Variants in CACNA2D3 observed in about 807,000 individuals in gnomAD.
CACNA2D3 encodes the protein voltage-dependent calcium channel subunit alpha-2/delta-3.
In CACNA2D3, 60 loss-of-function variants were observed where a neutral mutation model predicts 160.6. The ratio of observed to expected loss-of-function variants is 0.37; its 90% CI spans 0.30 to 0.46. The LOEUF (loss-of-function observed/expected upper bound fraction) is 0.46. Among genes scored for constraint, CACNA2D3 ranks in the 20% least tolerant of loss-of-function variants. The probability of loss-of-function intolerance (pLI) is 1.00; values close to 1 mark genes in which losing one functional copy is unlikely to be tolerated. For missense variants in CACNA2D3, 1,205 were observed against 1,365.0 expected (o/e 0.88, Z 1.85); for synonymous variants, 558 against 492.9 (o/e 1.13, Z -1.75).
At chr3:54,718,933 T>A (rs770097218) in intron 11 of CACNA2D3, among the ~76,000 whole-genome samples, 2 of 151,962 alleles carry the variant, frequency 1.3e-5, no homozygotes, top group African/African-American at 4.8e-5. Context: ...TTATATAATA[T>A]AGAGTTTTTT....
intron 5 of CACNA2D3, among the ~76,000 whole-genome samples, chr3:54,541,993 TAGTC>T (rs765144396): frequency 1.4e-4 from 21 of 151,790 alleles, no homozygotes; most frequent in South Asian, 1.0e-3. Context: ...AAATGTGTAT[TAGTC>T]AGGGTTCTCT....
intron 14 of CACNA2D3, among the ~76,000 whole-genome samples, chr3:54,826,929 A>T (rs981740050): frequency 6.6e-6 from 1 of 152,238 alleles, no homozygotes; most frequent in East Asian, 1.9e-4. Context: ...TTATGAGATT[A>T]ATTGCACTTG....
At chr3:54,361,813 T>C (rs1454810542) in intron 3 of CACNA2D3, among the ~76,000 whole-genome samples, 1 of 152,180 alleles carries the variant, frequency 6.6e-6, no homozygotes, top group Non-Finnish European at 1.5e-5. Context: ...GGAGAGGATC[T>C]AAGAGATGCA....
At chr3:54,656,485 G>C (rs921950975) in intron 11 of CACNA2D3, among the ~76,000 whole-genome samples, 1 of 152,206 alleles carries the variant, frequency 6.6e-6, no homozygotes, top group African/African-American at 2.4e-5. Context: ...GCCCCATCCT[G>C]CCTGTCCATG....
chr3:54,764,136 A>C, intron 12 of CACNA2D3, 82 bp from the exon 13 acceptor site: 1 of 1,477,070 alleles, frequency 6.8e-7, no homozygotes, highest in Non-Finnish European at 9.4e-7. Context: ...GCTAGAGGGC[A>C]AGAAGGCATG....
intron 17 of CACNA2D3, among the ~76,000 whole-genome samples, chr3:54,862,094 C>T (rs539712263): frequency 1.1e-4 from 17 of 152,244 alleles, no homozygotes; most frequent in African/African-American, 3.6e-4. Flanking sequence ...GTTTGGTAGT[C>T]GGAACATGGC....
intron 4 of CACNA2D3, among the ~76,000 whole-genome samples, chr3:54,408,238 A>T (rs1399201168): frequency 6.6e-6 from 1 of 152,164 alleles, no homozygotes; most frequent in Admixed American, 6.5e-5. Context: ...TACCTTGGAG[A>T]AAATCCCCAA....
chr3:54,838,688 A>T (rs747996315), intron 16 of CACNA2D3, 40 bp downstream of exon 16: 3 of 1,420,344 alleles, frequency 2.1e-6, no homozygotes. Flanking sequence ...AGCAACAGAG[A>T]TGCCCAGAGC....
rs771237773 is a variant in CACNA2D3 at position 55,073,844 on chromosome 3, T to A, written c.3168T>A (p.His1056Gln). The A allele has an allele frequency of 1.9e-6, 3 of 1,613,496 alleles. No homozygotes were observed. The highest frequency in any genetic ancestry group is 2.7e-5 in the African/African-American group (2 of 74,926). Residue 1056 changes from histidine to glutamine, a missense_variant, in exon 37 of 38, where the codon CAT becomes CAA. His to Gln is a conservative substitution (Grantham distance 24, BLOSUM62 0). This residue lies in a region of CACNA2D3 where 911 missense variants were observed against 1,002.2 expected (regional missense o/e 0.91). Transcript: ENST00000474759. ...QKIRRRPESC[H>Q]GFHPEENARE... ...TCAGAAGGCGCCCAGAATCTTGTCA[T>A]GGCTTCCATCCTGAGGTAAGTCTGA... is the stretch of plus-strand genomic sequence containing the variant.
intron 35 of CACNA2D3, among the ~76,000 whole-genome samples, chr3:55,053,419 A>G (rs910213586): frequency 2.6e-5 from 4 of 152,020 alleles, no homozygotes; most frequent in African/African-American, 7.2e-5. Flanking sequence ...ACATCTTAAC[A>G]ACACTGGGAC....
chr3:54,225,092 A>G (rs576384240), intron 2 of CACNA2D3, among the ~76,000 whole-genome samples: 1 of 151,978 alleles, frequency 6.6e-6, no homozygotes, highest in African/African-American at 2.4e-5. Flanking sequence ...TCCTAATGCT[A>G]TCCCTCCCCA....
At chr3:54,872,028 A>G (rs1425579777) in intron 18 of CACNA2D3, among the ~76,000 whole-genome samples, 1 of 152,180 alleles carries the variant, frequency 6.6e-6, no homozygotes, top group Non-Finnish European at 1.5e-5. Flanking sequence ...CCTGGGCAGC[A>G]AGAATTCACC....
At chr3:54,558,898 G>A (rs1344011385) in intron 5 of CACNA2D3, among the ~76,000 whole-genome samples, 1 of 152,112 alleles carries the variant, frequency 6.6e-6, no homozygotes, top group Non-Finnish European at 1.5e-5. Context: ...TCATATCCTG[G>A]TGCTATAGTT....
intron 29 of CACNA2D3, among the ~76,000 whole-genome samples, chr3:54,973,504 G>C (rs1559451806): frequency 1.3e-5 from 2 of 152,198 alleles, no homozygotes; most frequent in Non-Finnish European, 2.9e-5. Flanking sequence ...CAAAGGAATA[G>C]AGGCTAATAA....
At chr3:54,249,366 A>G (rs995801166) in intron 2 of CACNA2D3, among the ~76,000 whole-genome samples, 29 of 152,156 alleles carry the variant, frequency 1.9e-4, no homozygotes, top group Admixed American at 1.8e-3. Context: ...GGCCTTGTCT[A>G]ATCCATTAAA....
intron 2 of CACNA2D3, among the ~76,000 whole-genome samples, chr3:54,186,184 C>T (rs1700875618): frequency 6.6e-6 from 1 of 152,210 alleles, no homozygotes; most frequent in South Asian, 2.1e-4. Flanking sequence ...CAGACACTCA[C>T]TGTGAGCTTG....
chr3:54,812,739 G>C (rs1455758363), intron 13 of CACNA2D3, among the ~76,000 whole-genome samples: 2 of 152,306 alleles, frequency 1.3e-5, no homozygotes, highest in East Asian at 3.9e-4. Flanking sequence ...ACTGGTTGGA[G>C]CAGACGTGGG....
intron 27 of CACNA2D3, among the ~76,000 whole-genome samples, chr3:54,912,206 G>C (rs1456168026): frequency 6.6e-6 from 1 of 152,204 alleles, no homozygotes; most frequent in Non-Finnish European, 1.5e-5. Context: ...AAGCAAGAGA[G>C]AGTGAGCAAG....
intron 13 of CACNA2D3, among the ~76,000 whole-genome samples, chr3:54,796,438 C>T (rs916164666): frequency 6.6e-6 from 1 of 152,140 alleles, no homozygotes; most frequent in Admixed American, 6.5e-5. Context: ...TTGAGAAGTG[C>T]TTATGTGCAC....
Sources: gnomAD v4.1 joint callset for allele counts (sites outside exome capture counted in the v4.1 genomes callset) on GRCh38, gnomAD v4.1.1 for gene constraint, gnomAD v4.1.1 regional missense constraint, MANE v1.5 for transcripts, NCBI Gene and HGNC (gene_info 2026-07-23, HGNC 2026-07-21) for gene names.